OSBPL1A: variants seen among roughly 807,000 people sequenced by gnomAD.
The protein encoded by OSBPL1A is oxysterol-binding protein-related protein 1.
OSBPL1A carries 80 observed loss-of-function variants against 137.1 expected under a neutral mutation model. The ratio of observed to expected loss-of-function variants is 0.58; its 90% confidence interval spans 0.49 to 0.70. The LOEUF (loss-of-function observed/expected upper bound fraction) is 0.70, where lower values mean the gene tolerates loss of function less well. OSBPL1A is among the 30% of genes least tolerant of loss of function. The pLI, the probability that OSBPL1A is intolerant of heterozygous loss-of-function variation, is 0.00. For synonymous variants in OSBPL1A, 365 were observed against 389.7 expected (o/e 0.94, Z 0.75); for missense variants, 970 against 1,129.4 (o/e 0.86, Z 2.02).
chr18:24,335,251 A>G (rs1278258263), intron 5 of OSBPL1A, among the ~76,000 whole-genome samples: 1 of 152,190 alleles, frequency 6.6e-6, no homozygotes, highest in African/African-American at 2.4e-5. Flanking sequence ...AAGCTCCTTA[A>G]AAATACTAAC....
chr18:24,225,483 T>C (rs187841025), intron 16 of OSBPL1A, among the ~76,000 whole-genome samples: 3 of 152,316 alleles, frequency 2.0e-5, no homozygotes, highest in African/African-American at 7.2e-5. Context: ...TACGAAATCA[T>C]ATTCAGTGGT....
At chr18:24,388,587 G>C (rs2144275819) in intron 1 of OSBPL1A, among the ~76,000 whole-genome samples, 1 of 152,078 alleles carries the variant, frequency 6.6e-6, no homozygotes, top group East Asian at 1.9e-4. Context: ...ATCACCTGAG[G>C]TCAGGAGTTC....
At chr18:24,292,193 G>A (rs1165170950) in intron 14 of OSBPL1A, among the ~76,000 whole-genome samples, 2 of 152,142 alleles carry the variant, frequency 1.3e-5, no homozygotes, top group Non-Finnish European at 2.9e-5. Flanking sequence ...TTTAGATAAG[G>A]TAGAAATTCT....
intron 15 of OSBPL1A, among the ~76,000 whole-genome samples, chr18:24,244,426 G>C (rs752373484): frequency 2.0e-5 from 3 of 152,178 alleles, no homozygotes; most frequent in Non-Finnish European, 2.9e-5. Flanking sequence ...GAATAAGGCT[G>C]AAATTTTACC....
chr18:24,382,037 T>A (rs1438007382), intron 1 of OSBPL1A, among the ~76,000 whole-genome samples: 1 of 151,688 alleles, frequency 6.6e-6, no homozygotes, highest in Non-Finnish European at 1.5e-5. Flanking sequence ...TATGAAACCA[T>A]TAAAAATATT....
At chr18:24,176,041 C>T (rs1472664392) in intron 21 of OSBPL1A, among the ~76,000 whole-genome samples, 4 of 152,242 alleles carry the variant, frequency 2.6e-5, no homozygotes, top group African/African-American at 7.2e-5. Context: ...GTCTTGATTA[C>T]AACAGCTTTA....
intron 23 of OSBPL1A, among the ~76,000 whole-genome samples, chr18:24,171,033 AT>A (rs1369618228): frequency 6.7e-6 from 1 of 149,832 alleles, no homozygotes; most frequent in African/African-American, 2.5e-5. Context: ...GGTTATGGCA[AT>A]TTTTTTTGTT....
rs1440000267 is a variant in OSBPL1A, at chr18:24,163,286, TAAAAG to T, written c.2751-10_2751-6del. The T allele has an allele frequency of 3.1e-6, 5 of 1,590,300 alleles. No homozygotes were observed. Among genetic ancestry groups the T allele is most frequent in the South Asian group, 1.1e-5 (1 of 87,414 alleles). On this transcript the variant is annotated splice_polypyrimidine_tract_variant and splice_region_variant and intron_variant, in intron 27 of 27. Transcript: ENST00000319481. ...TTAGGACCTTGATGGAACCACCTGT[TAAAAG>T]AAAAAGGACAAGACTTACAGGGGAA...
At chr18:24,370,129 G>A (rs1051297410) in intron 2 of OSBPL1A, among the ~76,000 whole-genome samples, 1 of 152,236 alleles carries the variant, frequency 6.6e-6, no homozygotes, top group African/African-American at 2.4e-5. Context: ...GGCTAAGGCG[G>A]AGGATCACCA....
intron 14 of OSBPL1A, among the ~76,000 whole-genome samples, chr18:24,281,959 G>A (rs969835634): frequency 5.9e-5 from 9 of 152,100 alleles, no homozygotes; most frequent in South Asian, 2.1e-4. Context: ...ACGAGAGCAC[G>A]AACCCTATTG....
intron 15 of OSBPL1A, among the ~76,000 whole-genome samples, chr18:24,267,678 C>T (rs1488929012): frequency 6.6e-6 from 1 of 151,950 alleles, no homozygotes; most frequent in African/African-American, 2.4e-5. Flanking sequence ...TTAAAAAAAC[C>T]ATACAACCCT....
chr18:24,374,511 C>T (rs534563953), intron 2 of OSBPL1A, among the ~76,000 whole-genome samples: 1 of 152,148 alleles, frequency 6.6e-6, no homozygotes, highest in Non-Finnish European at 1.5e-5. Context: ...AAAGACCCCC[C>T]CTAGATCGCC....
At chr18:24,395,855 C>T (rs775416121) in intron 1 of OSBPL1A, among the ~76,000 whole-genome samples, 140 of 150,654 alleles carry the variant, frequency 9.3e-4, no homozygotes, top group Non-Finnish European at 1.4e-3. Flanking sequence ...CTCCTGACCT[C>T]AAGTGATCCG....
At chr18:24,211,539 T>C (rs1278198156) in intron 17 of OSBPL1A, among the ~76,000 whole-genome samples, 2 of 152,016 alleles carry the variant, frequency 1.3e-5, no homozygotes, top group Admixed American at 6.6e-5. Flanking sequence ...TGAAAGGGCC[T>C]TGAGGACCCC....
chr18:24,305,491 A>AGAGG (rs997059467), intron 13 of OSBPL1A, among the ~76,000 whole-genome samples: 2 of 152,246 alleles, frequency 1.3e-5, no homozygotes, highest in Non-Finnish European at 2.9e-5. Flanking sequence ...ACTAAAAAGA[A>AGAGG]GAGGTTATTA....
At position 24,182,661 on chromosome 18, in the gene OSBPL1A, C is replaced by T. The variant is rs1311516022; in HGVS notation, c.1678-1382G>A. Among the ~76,000 whole-genome samples the T allele has an allele frequency of 2.0e-5, 3 of 152,148 alleles. No individual in the cohort carries two copies. In the East Asian group the frequency reaches 5.8e-4, roughly 29 times the overall value. ...ACTGCAGAAAACAGACATGTAACAG[C>T]TCAGCCTGATGAAAAGAAATGGTAA... On this transcript the variant is annotated intron_variant, in intron 18 of 27. Coordinates refer to ENST00000319481, the MANE Select transcript of OSBPL1A (RefSeq NM_080597.4).
At chr18:24,373,171 G>A (rs1366473250) in intron 2 of OSBPL1A, among the ~76,000 whole-genome samples, 8 of 152,090 alleles carry the variant, frequency 5.3e-5, no homozygotes, top group Admixed American at 6.5e-5. Flanking sequence ...TATCTAAAAG[G>A]ATGTGTTCAA....
chr18:24,310,067 A>G (rs1478137227), intron 13 of OSBPL1A, among the ~76,000 whole-genome samples: 1 of 151,562 alleles, frequency 6.6e-6, no homozygotes, highest in Admixed American at 6.6e-5. Flanking sequence ...AAAAGAAAAA[A>G]AAAAAAAAGA....
chr18:24,393,906 C>T (rs17797879), intron 1 of OSBPL1A, among the ~76,000 whole-genome samples: 70,582 of 152,050 alleles, frequency 0.46, 16,968 homozygotes, highest in South Asian at 0.59. Flanking sequence ...GAAAAGAATA[C>T]CTAAAACATG....
Sources: gnomAD v4.1 joint callset for allele counts (sites outside exome capture counted in the v4.1 genomes callset) on GRCh38, gnomAD v4.1.1 for gene constraint, MANE v1.5 for transcripts, NCBI Gene and HGNC (gene_info 2026-07-23, HGNC 2026-07-21) for gene names.